Variants in RFC3 observed in about 807,000 individuals in gnomAD.
RFC3 encodes A1 38 kDa subunit.
RFC3 carries 41 observed loss-of-function variants against 45.1 expected under a neutral mutation model. The ratio of observed to expected loss-of-function variants is 0.91; its 90% CI spans 0.71 to 1.18. The LOEUF is 1.18. Ranked by LOEUF, RFC3 falls within the 50% of genes most tolerant of loss-of-function variation. RFC3 has a pLI of 0.00. For missense variants in RFC3, 423 were observed against 428.1 expected, an observed-to-expected ratio of 0.99 and a Z score of 0.10; for synonymous variants, 149 against 144.0, an observed-to-expected ratio of 1.03 and a Z score of -0.25.
intron 8 of RFC3, among the ~76,000 whole-genome samples, chr13:33,883,295 A>G (rs1215752856): frequency 6.6e-6 from 1 of 152,202 alleles, no homozygotes; most frequent in Non-Finnish European, 1.5e-5. Context: ...TGGAAAATGA[A>G]AGAAACTTGA....
intron 1 of RFC3, among the ~76,000 whole-genome samples, chr13:33,818,691 C>CA (rs1396840965): frequency 6.6e-6 from 1 of 152,154 alleles, no homozygotes; most frequent in African/African-American, 2.4e-5. Context: ...CAGACCCAGT[C>CA]AGTCTCAGAA....
At chr13:33,916,794 G>T (rs192166084) in intron 8 of RFC3, among the ~76,000 whole-genome samples, 1 of 148,484 alleles carries the variant, frequency 6.7e-6, no homozygotes, top group Non-Finnish European at 1.5e-5. Flanking sequence ...ACATGTATGC[G>T]TATGTATATG....
chr13:33,818,636 A>G (rs956281654), intron 1 of RFC3, among the ~76,000 whole-genome samples: 2 of 152,330 alleles, frequency 1.3e-5, no homozygotes, highest in Admixed American at 6.5e-5. Context: ...ACCAGCGGGA[A>G]GGGTAATCGG....
chr13:33,865,716 A>T (rs1049202507), intron 8 of RFC3, among the ~76,000 whole-genome samples: 4 of 152,184 alleles, frequency 2.6e-5, no homozygotes, highest in African/African-American at 9.6e-5. Context: ...AGTTGAATAA[A>T]ACCTAGGTTC....
intron 8 of RFC3, among the ~76,000 whole-genome samples, chr13:33,854,773 A>G (rs1331884410): frequency 6.6e-6 from 1 of 152,168 alleles, no homozygotes. Flanking sequence ...ATGGGAAGAA[A>G]GAACCCACAG....
At chr13:33,898,738 A>G (rs906223416) in intron 8 of RFC3, among the ~76,000 whole-genome samples, 2 of 151,776 alleles carry the variant, frequency 1.3e-5, no homozygotes, top group Non-Finnish European at 3.0e-5. Context: ...GAACAATGGA[A>G]TCAGCGAAAC....
In RFC3 at chr13:33,843,963, T is replaced by TA. The variant is rs1251615726; in HGVS notation, c.879+8747dup. Among the ~76,000 whole-genome samples, 21 of 152,350 alleles carry TA rather than the reference T, an allele frequency of 1.4e-4. 1 individual carries two copies. In the East Asian group the frequency reaches 4.0e-3, roughly 29 times the overall value. ...TTATATGCAACCTATATTCTCCTAA[T>TA]ACGGTAGAGAAGCTGCCCATCTTCC... On this transcript the variant is annotated intron_variant, in intron 8 of 8. Transcript: ENST00000434425.
At chr13:33,821,295 A>T in intron 2 of RFC3, 26 bp downstream of exon 2, 1 of 1,610,542 alleles carries the variant, frequency 6.2e-7, no homozygotes, top group Non-Finnish European at 8.5e-7. Context: ...TGAGGCCCTG[A>T]AAGTAATTTA....
chr13:33,874,157 A>G (rs1392735831), intron 8 of RFC3, among the ~76,000 whole-genome samples: 1 of 152,242 alleles, frequency 6.6e-6, no homozygotes, highest in Non-Finnish European at 1.5e-5. Flanking sequence ...TGATTATTCC[A>G]TAATGAAATG....
Position 33,836,085 on chromosome 13 carries a change from A to G in RFC3, c.880-19A>G, listed in dbSNP as rs2082151332. The G allele has an allele frequency of 6.9e-6, 11 of 1,590,192 alleles. No individual in the cohort carries two copies. Among genetic ancestry groups the G allele is most frequent in the Non-Finnish European group, 9.4e-6 (11 of 1,164,108 alleles). On this transcript the variant is annotated intron_variant, in intron 8 of 8. Coordinates refer to ENST00000380071, the MANE Select transcript of RFC3 (RefSeq NM_002915.4). ...TGTTTTTATTAATGATTTTTAAATT[A>G]CTGATTATTTTTGTTTAGGGCCTTC...
At chr13:33,819,065 A>G (rs907754390) in intron 1 of RFC3, among the ~76,000 whole-genome samples, 4 of 151,348 alleles carry the variant, frequency 2.6e-5, no homozygotes, top group Non-Finnish European at 5.9e-5. Context: ...TAATTTTTGT[A>G]TTTTTCAGTA....
chr13:33,892,493 A>G (rs1279710101), intron 8 of RFC3, among the ~76,000 whole-genome samples: 1 of 151,306 alleles, frequency 6.6e-6, no homozygotes, highest in Non-Finnish European at 1.5e-5. Context: ...CTGTTTCCCT[A>G]CTTCATTCTA....
At position 33,836,369 on chromosome 13, in the gene RFC3, G is replaced by A. The variant is rs2082154882; in HGVS notation, c.*74G>A. Reference sequence around the variant, plus strand: ...ACAGCTTATATTAAAAGAGCTGTGGGTAAATTAACTGAACTTAATCATGTC... The same window carrying A: ...ACAGCTTATATTAAAAGAGCTGTGGATAAATTAACTGAACTTAATCATGTC... On this transcript the variant is annotated 3_prime_UTR_variant, in exon 9 of 9. Coordinates refer to ENST00000380071, the MANE Select transcript of RFC3 (RefSeq NM_002915.4). The A allele has an allele frequency of 6.5e-7, 1 of 1,545,114 alleles. No individual in the cohort carries two copies. Among genetic ancestry groups the A allele is most frequent in the Admixed American group, 1.9e-5 (1 of 51,590 alleles).
At chr13:33,821,365 A>G (rs2082002726) in intron 2 of RFC3, 96 bp downstream of exon 2, 1 of 1,199,002 alleles carries the variant, frequency 8.3e-7, no homozygotes, top group African/African-American at 1.5e-5. Flanking sequence ...TTCCTAATGT[A>G]TGATTTAAAT....
intron 8 of RFC3, among the ~76,000 whole-genome samples, chr13:33,962,847 T>C (rs1221874163): frequency 6.6e-6 from 1 of 152,114 alleles, no homozygotes; most frequent in East Asian, 1.9e-4. Context: ...CTTTTACTGT[T>C]TTTTAGTTGA....
intron 8 of RFC3, among the ~76,000 whole-genome samples, chr13:33,949,124 G>C (rs1461281649): frequency 6.6e-6 from 1 of 152,040 alleles, no homozygotes; most frequent in Non-Finnish European, 1.5e-5. Context: ...GTCAAGTGTG[G>C]GAACAGGTAG....
chr13:33,837,805 A>C (rs2082168966), downstream of RFC3, among the ~76,000 whole-genome samples: 1 of 151,972 alleles, frequency 6.6e-6, no homozygotes, highest in African/African-American at 2.4e-5. Flanking sequence ...ACTTTAGACT[A>C]TTCTTTTCTA....
chr13:33,971,841 G>T, the RFC3 span, among the ~76,000 whole-genome samples: 1 of 152,224 alleles, frequency 6.6e-6, no homozygotes, highest in East Asian at 1.9e-4. Context: ...GTCAGGTGCA[G>T]TGGCTCACGC....
downstream of RFC3, among the ~76,000 whole-genome samples, chr13:33,841,327 C>G (rs930996072): frequency 1.3e-5 from 2 of 152,178 alleles, no homozygotes; most frequent in African/African-American, 4.8e-5. Flanking sequence ...ACAGTACATA[C>G]TATGCTGCCT....
Sources: allele counts gnomAD v4.1 joint callset (sites outside exome capture counted in the v4.1 genomes callset), GRCh38; gene constraint gnomAD v4.1.1; transcripts MANE v1.5; gene names NCBI Gene and HGNC (gene_info 2026-07-23, HGNC 2026-07-21).